Variants in HSD17B2 observed in about 807,000 individuals in gnomAD.
HSD17B2 encodes 17-beta-hydroxysteroid dehydrogenase type 2.
In HSD17B2, 32 loss-of-function variants were observed where a neutral mutation model predicts 26.9. The observed-to-expected ratio is 1.19, with a 90% CI of 0.90 to 1.60. The LOEUF is 1.60. Ranked by LOEUF, HSD17B2 falls within the 40% of genes most tolerant of loss-of-function variation. The probability of loss-of-function intolerance (pLI) is 0.00; values close to 1 mark genes in which losing one functional copy is unlikely to be tolerated. For synonymous variants in HSD17B2, 246 were observed against 186.7 expected (o/e 1.32, Z -2.59); for missense variants, 613 against 468.6 (o/e 1.31, Z -2.85).
intron 3 of HSD17B2, among the ~76,000 whole-genome samples, chr16:82,076,823 C>A (rs957588074): frequency 7.9e-5 from 12 of 152,128 alleles, no homozygotes; most frequent in Non-Finnish European, 1.5e-4. Flanking sequence ...TGTGATTTGC[C>A]TGCCTCAGCC....
At chr16:82,071,159 G>A (rs749676423) in intron 3 of HSD17B2, 32 bp downstream of exon 3, 2 of 1,598,996 alleles carry the variant, frequency 1.3e-6, no homozygotes, top group African/African-American at 1.3e-5. Flanking sequence ...TGGTCATGGG[G>A]TGCCCATCAC....
intron 1 of HSD17B2, among the ~76,000 whole-genome samples, chr16:82,041,391 T>C (rs1292533916): frequency 6.6e-6 from 1 of 152,228 alleles, no homozygotes; most frequent in African/African-American, 2.4e-5. Context: ...GCTGGGGTCA[T>C]TTGCATAAAA....
At chr16:82,084,707 T>C (rs143646183) in intron 3 of HSD17B2, among the ~76,000 whole-genome samples, 93 of 152,314 alleles carry the variant, frequency 6.1e-4, no homozygotes, top group Non-Finnish European at 1.1e-3. Flanking sequence ...CTGTGTATAA[T>C]TGCATGCTAT....
intron 4 of HSD17B2, chr16:82,091,443 G>C (rs970768413): frequency 8.6e-6 from 2 of 232,882 alleles, no homozygotes; most frequent in African/African-American, 2.3e-5. Context: ...TGATGATTCA[G>C]TTCCAAAGGA....
chr16:82,079,401 T>C (rs1184680054), intron 3 of HSD17B2, among the ~76,000 whole-genome samples: 2 of 152,202 alleles, frequency 1.3e-5, no homozygotes, highest in South Asian at 2.1e-4. Flanking sequence ...TTTTGCTGTG[T>C]CCTCACATGG....
chr16:82,047,806 T>A (rs768350730), intron 1 of HSD17B2, among the ~76,000 whole-genome samples: 46 of 152,332 alleles, frequency 3.0e-4, no homozygotes, highest in Admixed American at 7.8e-4. Context: ...GATTTCCAGA[T>A]GGACCATGAG....
intron 4 of HSD17B2, chr16:82,093,814 C>G (rs557962659): frequency 2.0e-5 from 3 of 152,280 alleles, no homozygotes; most frequent in African/African-American, 7.2e-5. Context: ...ATAGTTACTT[C>G]TTGATTATAT....
At chr16:82,046,572 A>C (rs1468728317) in intron 1 of HSD17B2, among the ~76,000 whole-genome samples, 1 of 152,014 alleles carries the variant, frequency 6.6e-6, no homozygotes, top group African/African-American at 2.4e-5. Context: ...AAAATACAAA[A>C]ATTAGACGGG....
intron 4 of HSD17B2, chr16:82,093,110 A>C (rs1184688949): frequency 6.6e-6 from 1 of 152,216 alleles, no homozygotes; most frequent in Non-Finnish European, 1.5e-5. Flanking sequence ...AAAAAGCATT[A>C]TACGCACAGG....
intron 3 of HSD17B2, among the ~76,000 whole-genome samples, chr16:82,089,009 A>C (rs1258987675): frequency 1.3e-5 from 2 of 152,158 alleles, no homozygotes; most frequent in African/African-American, 4.8e-5. Flanking sequence ...AATCCCTCTC[A>C]TCATGAAGGC....
At chr16:82,046,746 T>C (rs1198185096) in intron 1 of HSD17B2, among the ~76,000 whole-genome samples, 1 of 152,130 alleles carries the variant, frequency 6.6e-6, no homozygotes, top group Non-Finnish European at 1.5e-5. Context: ...GTATACTCAA[T>C]ACCCCTATTC....
intron 3 of HSD17B2, among the ~76,000 whole-genome samples, chr16:82,082,042 C>T (rs552652878): frequency 4.6e-5 from 7 of 152,184 alleles, no homozygotes; most frequent in African/African-American, 1.4e-4. Flanking sequence ...GGGAGCTGAA[C>T]AATAAGAGCT....
In HSD17B2 at chr16:82,037,119, G is replaced by T. The variant is rs191209216; in HGVS notation, c.265+1430G>T. Among the ~76,000 whole-genome samples, 261 of 152,358 alleles carry T rather than the reference G, an allele frequency of 1.7e-3. 2 individuals carry two copies. Among genetic ancestry groups the T allele is most frequent in the Non-Finnish European group, 1.7e-3 (116 of 68,032 alleles). On this transcript the variant is annotated intron_variant, in intron 1 of 4. Transcript: ENST00000199936. The stretch of plus-strand genomic sequence containing the variant: ...TGAAAGGTGCCGTGCATTTAGTGTT[G>T]AGTGAGGATGATTGAATCAATTAGG...
chr16:82,056,218 A>G (rs1483320388), intron 1 of HSD17B2, among the ~76,000 whole-genome samples: 1 of 152,078 alleles, frequency 6.6e-6, no homozygotes, highest in African/African-American at 2.4e-5. Flanking sequence ...CTTAGATAAA[A>G]CCTTAGATAA....
At chr16:82,069,646 G>A (rs1229088046) in intron 2 of HSD17B2, among the ~76,000 whole-genome samples, 2 of 152,166 alleles carry the variant, frequency 1.3e-5, no homozygotes, top group Admixed American at 6.5e-5. Flanking sequence ...CACTCTATGT[G>A]CCCTGGGCCA....
chr16:82,079,561 T>C (rs1319316614), intron 3 of HSD17B2, among the ~76,000 whole-genome samples: 1 of 152,208 alleles, frequency 6.6e-6, no homozygotes, highest in Non-Finnish European at 1.5e-5. Flanking sequence ...CGTTCCAAGA[T>C]ACTGGAGGTT....
At chr16:82,084,135 G>A (rs1597137274) in intron 3 of HSD17B2, among the ~76,000 whole-genome samples, 4 of 152,112 alleles carry the variant, frequency 2.6e-5, no homozygotes, top group African/African-American at 7.2e-5. Flanking sequence ...TGGGTGACCT[G>A]GGTCAGGTCA....
chr16:82,063,343 T>A (rs1473165461), intron 1 of HSD17B2: 1 of 152,202 alleles, frequency 6.6e-6, no homozygotes, highest in Non-Finnish European at 1.5e-5. Flanking sequence ...ATTTCACAAA[T>A]ATTAACTGAC....
intron 3 of HSD17B2, among the ~76,000 whole-genome samples, chr16:82,072,867 G>A (rs925070149): frequency 6.6e-6 from 1 of 152,130 alleles, no homozygotes; most frequent in East Asian, 1.9e-4. Context: ...ACCAGCCTGG[G>A]CAACATAGTG....
Sources: gnomAD v4.1 joint callset for allele counts (sites outside exome capture counted in the v4.1 genomes callset) on GRCh38, gnomAD v4.1.1 for gene constraint, MANE v1.5 for transcripts, NCBI Gene and HGNC (gene_info 2026-07-23, HGNC 2026-07-21) for gene names.